DNAH6: variants seen among roughly 807,000 people sequenced by gnomAD.
DNAH6 encodes the protein dynein axonemal heavy chain 6, also known as axonemal beta dynein heavy chain 6.
DNAH6 carries 340 observed loss-of-function variants against 491.4 expected under a neutral mutation model. That is an observed-to-expected ratio of 0.69 (90% confidence interval 0.63 to 0.76). The LOEUF (loss-of-function observed/expected upper bound fraction) is 0.76, where lower values mean the gene tolerates loss of function less well. Ranked by LOEUF, DNAH6 falls within the 30% of genes least tolerant of loss-of-function variation. The pLI is 0.00. For synonymous variants in DNAH6, 1,603 were observed against 1,686.1 expected (o/e 0.95, Z 1.21); for missense variants, 4,443 against 4,972.2 (o/e 0.89, Z 3.20).
chr2:84,805,905 C>T, intron 71 of DNAH6, 111 bp downstream of exon 71: 1 of 930,534 alleles, frequency 1.1e-6, no homozygotes, highest in Non-Finnish European at 1.5e-6. Flanking sequence ...CTTTTTTTAA[C>T]CTAAAGAGCT....
intron 22 of DNAH6, 70 bp downstream of exon 22, chr2:84,611,924 C>G (rs1271343613): frequency 2.2e-6 from 3 of 1,348,190 alleles, no homozygotes; most frequent in Non-Finnish European, 3.0e-6. Context: ...TAGTCCCAGA[C>G]TAAAATGTTT....
intron 21 of DNAH6, among the ~76,000 whole-genome samples, chr2:84,611,049 A>G (rs571779193): frequency 1.3e-5 from 2 of 152,172 alleles, no homozygotes; most frequent in Non-Finnish European, 2.9e-5. Context: ...GATTTTGGGC[A>G]CACACATGCA....
chr2:84,676,113 T>A (rs759297883), intron 40 of DNAH6, among the ~76,000 whole-genome samples: 10 of 152,212 alleles, frequency 6.6e-5, no homozygotes, highest in Non-Finnish European at 1.2e-4. Context: ...CTCACAAAAT[T>A]TATTTGTAAC....
At chr2:84,545,268 G>A (rs139657487) in intron 5 of DNAH6, among the ~76,000 whole-genome samples, 275 of 152,156 alleles carry the variant, frequency 1.8e-3, no homozygotes, top group African/African-American at 6.4e-3. Flanking sequence ...CAAGGTCTCT[G>A]GCTAACATAA....
At chr2:84,602,289 G>A (rs368273224) in intron 18 of DNAH6, among the ~76,000 whole-genome samples, 11 of 151,728 alleles carry the variant, frequency 7.2e-5, no homozygotes, top group East Asian at 3.9e-4. Flanking sequence ...TAATTTCCTC[G>A]GTTTTTATTT....
intron 46 of DNAH6, among the ~76,000 whole-genome samples, chr2:84,694,684 A>C (rs898472556): frequency 6.6e-6 from 1 of 152,250 alleles, no homozygotes; most frequent in African/African-American, 2.4e-5. Context: ...CTTAGTAATT[A>C]AATTTGATCA....
the DNAH6 span, among the ~76,000 whole-genome samples, chr2:84,501,196 T>C: frequency 1.3e-5 from 2 of 152,344 alleles, no homozygotes; most frequent in East Asian, 3.9e-4. Flanking sequence ...TTGAGATAGT[T>C]CATTCTATCC....
At chr2:84,487,583 A>G in the DNAH6 span, among the ~76,000 whole-genome samples, 1 of 152,244 alleles carries the variant, frequency 6.6e-6, no homozygotes, top group African/African-American at 2.4e-5. Context: ...GACAGAACTC[A>G]AACTTATCTC....
chr2:84,804,255 C>A (rs1679213029), intron 70 of DNAH6, among the ~76,000 whole-genome samples: 2 of 148,592 alleles, frequency 1.3e-5, no homozygotes, highest in African/African-American at 2.5e-5. Flanking sequence ...TAGAAATTTC[C>A]AAAAAATAGA....
intron 10 of DNAH6, among the ~76,000 whole-genome samples, chr2:84,555,045 A>G (rs1376474428): frequency 3.3e-5 from 5 of 152,254 alleles, no homozygotes; most frequent in Admixed American, 2.0e-4. Context: ...TTTATTTCAT[A>G]TAACCCAAAA....
chr2:84,567,872 A>C (rs1409937928), intron 11 of DNAH6, among the ~76,000 whole-genome samples: 2 of 152,148 alleles, frequency 1.3e-5, no homozygotes, highest in African/African-American at 2.4e-5. Flanking sequence ...CCTACAGAAT[A>C]GGAAAAATTT....
chr2:84,816,414 A>G (rs1398258531), intron 76 of DNAH6, among the ~76,000 whole-genome samples: 2 of 152,210 alleles, frequency 1.3e-5, no homozygotes, highest in African/African-American at 2.4e-5. Flanking sequence ...TTTACTCATC[A>G]TAAAAGAAAT....
intron 11 of DNAH6, among the ~76,000 whole-genome samples, chr2:84,570,095 G>T (rs1049553391): frequency 1.3e-5 from 2 of 151,964 alleles, no homozygotes; most frequent in Admixed American, 6.5e-5. Context: ...TGTTCTCTTT[G>T]CAGTACTCTC....
At chr2:84,689,323 C>T (rs1202332279) in intron 45 of DNAH6, among the ~76,000 whole-genome samples, 1 of 152,124 alleles carries the variant, frequency 6.6e-6, no homozygotes, top group Admixed American at 6.6e-5. Flanking sequence ...CAGAGAATGT[C>T]CCAGTGGTCT....
rs1448819495 is a variant in DNAH6, at chr2:84,547,303, G to A, written c.966G>A (p.Leu322=). 1 of 1,548,716 alleles carries A rather than the reference G, an allele frequency of 6.5e-7. No homozygotes were observed. The highest frequency in any genetic ancestry group is 8.7e-7 in the Non-Finnish European group (1 of 1,145,244). Residue 322 remains leucine, a synonymous_variant, in exon 6 of 77, where the codon TTG becomes TTA. Coordinates refer to ENST00000389394, the MANE Select transcript of DNAH6 (RefSeq NM_001370.2). ...CAGCTCTTCTTAAAATAAATGAATT[G>A]TGTTATCATTTGAGTTTTATGGGAC... ...LRPALLKINE[L]CYHLSFMGLC...
intron 31 of DNAH6, among the ~76,000 whole-genome samples, chr2:84,638,874 A>G (rs1021764909): frequency 6.6e-6 from 1 of 152,218 alleles, no homozygotes; most frequent in Admixed American, 6.5e-5. Context: ...GGCACTGTGC[A>G]TGGTGAAAAC....
intron 13 of DNAH6, among the ~76,000 whole-genome samples, chr2:84,578,830 G>A (rs889257954): frequency 6.6e-6 from 1 of 152,182 alleles, no homozygotes; most frequent in African/African-American, 2.4e-5. Context: ...GATTATGGGG[G>A]TGGTTTCCCC....
chr2:84,680,859 C>A (rs1384195971), intron 41 of DNAH6, among the ~76,000 whole-genome samples: 4 of 152,130 alleles, frequency 2.6e-5, no homozygotes, highest in South Asian at 4.1e-4. Flanking sequence ...TATAAAGAGA[C>A]TTCCAAGCTC....
At chr2:84,500,744 C>G in the DNAH6 span, among the ~76,000 whole-genome samples, 2 of 152,044 alleles carry the variant, frequency 1.3e-5, no homozygotes, top group African/African-American at 4.8e-5. Flanking sequence ...AGAAATCTTT[C>G]AGTGGTTTGG....
Sources: gnomAD v4.1 joint callset for allele counts (sites outside exome capture counted in the v4.1 genomes callset) on GRCh38, gnomAD v4.1.1 for gene constraint, MANE v1.5 for transcripts, NCBI Gene and HGNC (gene_info 2026-07-23, HGNC 2026-07-21) for gene names.